Variants in KCNJ3 observed in about 807,000 individuals in gnomAD.
KCNJ3 encodes the protein potassium inwardly rectifying channel subfamily J member 3.
In KCNJ3, 4 loss-of-function variants were observed where a neutral mutation model predicts 39.2. That is an observed-to-expected ratio of 0.10 (90% CI 0.05 to 0.23). The LOEUF (loss-of-function observed/expected upper bound fraction) is 0.23, where lower values mean the gene tolerates loss of function less well. Ranked by LOEUF, KCNJ3 falls within the 10% of genes least tolerant of loss-of-function variation. The pLI, the probability that KCNJ3 is intolerant of heterozygous loss-of-function variation, is 1.00. For missense variants in KCNJ3, 276 were observed against 634.9 expected, an observed-to-expected ratio of 0.43 and a Z score of 6.08; for synonymous variants, 230 against 237.4, an observed-to-expected ratio of 0.97 and a Z score of 0.29.
chr2:154,763,466 A>G (rs1686080093), intron 2 of KCNJ3, among the ~76,000 whole-genome samples: 1 of 151,052 alleles, frequency 6.6e-6, no homozygotes, highest in Non-Finnish European at 1.5e-5. Flanking sequence ...GGAGGATGTG[A>G]GATAGTGCTG....
In KCNJ3 at chr2:154,854,689, T is replaced by C. The variant is rs543940916; in HGVS notation, c.920-38T>C. 10 of 1,488,174 alleles carry C rather than the reference T, an allele frequency of 6.7e-6. No homozygotes were observed. The African/African-American group carries it at 9.7e-5, about 14-fold the overall frequency. 92.2% of individuals were successfully genotyped at this position (1,488,174 alleles called of 1,614,324 possible). ...AAACCGGCTTTACATGTGCTTCCACTATGCATAATTTATCAAGAATTTTCT... is the reference window on the plus strand; with the variant it reads ...AAACCGGCTTTACATGTGCTTCCACCATGCATAATTTATCAAGAATTTTCT... On this transcript the variant is annotated intron_variant, in intron 2 of 2. Coordinates refer to ENST00000295101, the MANE Select transcript of KCNJ3 (RefSeq NM_002239.4).
intron 2 of KCNJ3, among the ~76,000 whole-genome samples, chr2:154,738,861 A>G (rs764841866): frequency 6.6e-6 from 1 of 152,088 alleles, no homozygotes; most frequent in Non-Finnish European, 1.5e-5. Context: ...AAAGCTCCAC[A>G]TCGTGAAAAA....
intron 2 of KCNJ3, among the ~76,000 whole-genome samples, chr2:154,805,712 A>G (rs1686898144): frequency 6.6e-6 from 1 of 152,132 alleles, no homozygotes; most frequent in South Asian, 2.1e-4. Context: ...GCATATTACA[A>G]TTAAATCTCT....
chr2:154,776,415 A>G (rs1686336784), intron 2 of KCNJ3, among the ~76,000 whole-genome samples: 2 of 152,132 alleles, frequency 1.3e-5, no homozygotes, highest in South Asian at 4.1e-4. Flanking sequence ...GAACAAAAGC[A>G]TTTGTTCATT....
At chr2:154,825,681 A>T (rs908102388) in intron 2 of KCNJ3, among the ~76,000 whole-genome samples, 1 of 151,670 alleles carries the variant, frequency 6.6e-6, no homozygotes, top group Non-Finnish European at 1.5e-5. Context: ...ACTTAAAGTG[A>T]TCTTCCCACC....
intron 2 of KCNJ3, among the ~76,000 whole-genome samples, chr2:154,844,260 G>A (rs2105132835): frequency 6.6e-6 from 1 of 152,288 alleles, no homozygotes; most frequent in Non-Finnish European, 1.5e-5. Flanking sequence ...TGTTTGCCTG[G>A]GTGTCACCAG....
At chr2:154,850,877 A>G (rs926162026) in intron 2 of KCNJ3, among the ~76,000 whole-genome samples, 4 of 152,182 alleles carry the variant, frequency 2.6e-5, no homozygotes, top group Non-Finnish European at 5.9e-5. Context: ...GAGAAACCCT[A>G]AAAGTTGGAA....
intron 2 of KCNJ3, among the ~76,000 whole-genome samples, chr2:154,754,260 T>C (rs144552997): frequency 5.1e-4 from 77 of 152,336 alleles, no homozygotes; most frequent in African/African-American, 1.7e-3. Flanking sequence ...ATAAACCTTA[T>C]GTGAACATTT....
chr2:154,834,115 A>G (rs1487303745), intron 2 of KCNJ3, among the ~76,000 whole-genome samples: 1 of 152,196 alleles, frequency 6.6e-6, no homozygotes, highest in African/African-American at 2.4e-5. Flanking sequence ...ATAAACTGGC[A>G]AACTGTCTTC....
chr2:154,707,868 A>T (rs1021169713), intron 1 of KCNJ3, among the ~76,000 whole-genome samples: 3 of 152,132 alleles, frequency 2.0e-5, no homozygotes, highest in African/African-American at 7.2e-5. Flanking sequence ...ATTTTGTTGT[A>T]TTAATCAATA....
rs572565779 is a variant in KCNJ3 at position 154,767,519 on chromosome 2, C to A, written c.919+57700C>A. 2.6e-5 allele frequency among the ~76,000 whole-genome samples: 4 copies of A among 152,250 alleles called. No homozygotes were observed. The South Asian group carries it at 8.3e-4, about 32-fold the overall frequency. ...GTCCCTACAAAGGACGTGAACTCAT[C>A]CTTTTTTTATGGCTGCATAGTATTC... On this transcript the variant is annotated intron_variant, in intron 2 of 2. Transcript: ENST00000295101.
chr2:154,757,001 A>T (rs1247647121), intron 2 of KCNJ3, among the ~76,000 whole-genome samples: 3 of 152,072 alleles, frequency 2.0e-5, no homozygotes, highest in Non-Finnish European at 4.4e-5. Context: ...TCCAAGAAAA[A>T]TGTATAAAAT....
chr2:154,785,751 A>G (rs889483847), intron 2 of KCNJ3, among the ~76,000 whole-genome samples: 26 of 152,202 alleles, frequency 1.7e-4, no homozygotes, highest in Non-Finnish European at 1.9e-4. Context: ...TGGACTTAGC[A>G]CATATCCCTG....
intron 2 of KCNJ3, among the ~76,000 whole-genome samples, chr2:154,849,316 G>T (rs550288706): frequency 4.6e-5 from 7 of 151,958 alleles, no homozygotes; most frequent in Non-Finnish European, 8.8e-5. Flanking sequence ...TTGCTCTTCT[G>T]TTTTTTGTTT....
chr2:154,837,840 C>T (rs1026856476), intron 2 of KCNJ3, among the ~76,000 whole-genome samples: 3 of 152,068 alleles, frequency 2.0e-5, no homozygotes, highest in Non-Finnish European at 4.4e-5. Context: ...TCTCACATTG[C>T]GGATATAGAC....
chr2:154,843,568 G>A (rs182830792), intron 2 of KCNJ3, among the ~76,000 whole-genome samples: 11 of 152,076 alleles, frequency 7.2e-5, no homozygotes, highest in Non-Finnish European at 1.2e-4. Flanking sequence ...TCACTTTCAG[G>A]TACACCAATC....
At chr2:154,793,306 T>C (rs975685910) in intron 2 of KCNJ3, among the ~76,000 whole-genome samples, 2 of 152,006 alleles carry the variant, frequency 1.3e-5, no homozygotes, top group African/African-American at 4.8e-5. Context: ...AAATATTCAC[T>C]GATGACAGTG....
chr2:154,764,519 T>C (rs1475255402), intron 2 of KCNJ3, among the ~76,000 whole-genome samples: 2 of 152,208 alleles, frequency 1.3e-5, no homozygotes, highest in Admixed American at 6.5e-5. Flanking sequence ...CTAAGGAATA[T>C]TCAGGCACAC....
At chr2:154,814,710 A>T (rs13422572) in intron 2 of KCNJ3, among the ~76,000 whole-genome samples, 2 of 152,154 alleles carry the variant, frequency 1.3e-5, no homozygotes, top group African/African-American at 2.4e-5. Flanking sequence ...CAATATATAA[A>T]ATTTACAAAA....
Sources: allele counts gnomAD v4.1 joint callset (sites outside exome capture counted in the v4.1 genomes callset), GRCh38; gene constraint gnomAD v4.1.1; transcripts MANE v1.5; gene names NCBI Gene and HGNC (gene_info 2026-07-23, HGNC 2026-07-21).